The following NCBP1 variants were observed in gnomAD, a reference collection of about 807,000 sequenced individuals.
NCBP1 encodes the protein nuclear cap-binding protein subunit 1.
NCBP1 carries 16 observed loss-of-function variants against 111.7 expected under a neutral mutation model. The observed-to-expected ratio is 0.14, with a 90% CI of 0.10 to 0.22. NCBP1 has a LOEUF of 0.22. NCBP1 is among the 10% of genes least tolerant of loss of function. The pLI is 1.00. For synonymous variants in NCBP1, 304 were observed against 314.3 expected, an observed-to-expected ratio of 0.97 and a Z score of 0.35; for missense variants, 607 against 957.5, an observed-to-expected ratio of 0.63 and a Z score of 4.83.
At chr9:97,636,428 A>G (rs1827026844) in intron 1 of NCBP1, among the ~76,000 whole-genome samples, 1 of 148,858 alleles carries the variant, frequency 6.7e-6, no homozygotes, top group Non-Finnish European at 1.5e-5. Flanking sequence ...GACTCTCTAT[A>G]TATAGAGTGT....
chr9:97,664,435 CT>C lies in NCBP1; in HGVS notation c.1896del (p.Phe632LeufsTer17). The C allele has an allele frequency of 6.3e-7, 1 of 1,596,924 alleles. No individual in the cohort carries two copies. Among genetic ancestry groups the C allele is most frequent in the Non-Finnish European group, 8.6e-7 (1 of 1,164,786 alleles). On this transcript the variant is annotated frameshift_variant, in exon 19 of 23. Coordinates refer to ENST00000375147, the MANE Select transcript of NCBP1 (RefSeq NM_002486.5). LOFTEE classifies it high-confidence loss of function. ...WIFSSELSRD[F>X]TRLFVWEILH... ...TCTTCTCTTCAGAACTATCTCGTGA[CT>C]TTACCAGGTAATATAAATTATTTTA...
intron 22 of NCBP1, 196 bp downstream of exon 22, chr9:97,669,902 T>G: frequency 1.6e-6 from 1 of 636,390 alleles, no homozygotes; most frequent in East Asian, 2.9e-5. Context: ...GATTCCTAAT[T>G]GCCACCCCCC....
rs1827268795 is a variant in NCBP1, at chr9:97,643,962, A to T, written c.381+602A>T. On this transcript the variant is annotated intron_variant, in intron 4 of 22. Coordinates refer to ENST00000375147, the MANE Select transcript of NCBP1 (RefSeq NM_002486.5). The stretch of plus-strand genomic sequence containing the variant: ...GCTCTGCACATGTTGGTTACTGGTT[A>T]AAAAAACCTTAGTTCCTTCCCATTG... Among the ~76,000 whole-genome samples, 10 of 152,136 alleles carry T rather than the reference A, an allele frequency of 6.6e-5. 1 individual carries two copies. The highest frequency in any genetic ancestry group is 6.5e-4 in the Admixed American group (10 of 15,268).
At chr9:97,669,997 A>G (rs1392714076) in intron 22 of NCBP1, 1 of 422,618 alleles carries the variant, frequency 2.4e-6, no homozygotes, top group African/African-American at 2.3e-5. Flanking sequence ...ATCTCAGCTC[A>G]CTGCAACCTC....
chr9:97,655,398 T>C (rs1022239036), intron 12 of NCBP1, among the ~76,000 whole-genome samples: 2 of 152,112 alleles, frequency 1.3e-5, no homozygotes, highest in African/African-American at 4.8e-5. Context: ...CATAAAATTT[T>C]TTTTTTTCTT....
chr9:97,640,581 A>T (rs570336428), intron 1 of NCBP1, among the ~76,000 whole-genome samples: 1 of 152,098 alleles, frequency 6.6e-6, no homozygotes, highest in Non-Finnish European at 1.5e-5. Flanking sequence ...TAACATAAAT[A>T]ATGCCTCCTG....
In NCBP1 at chr9:97,661,737, T is replaced by TG. The variant is rs1015289585; in HGVS notation, c.1601-305_1601-304insG. Among the ~76,000 whole-genome samples, 105 of 151,248 alleles carry TG rather than the reference T, an allele frequency of 6.9e-4. 1 individual carries two copies. Among genetic ancestry groups the TG allele is most frequent in the South Asian group, 2.3e-3 (11 of 4,798 alleles). On this transcript the variant is annotated intron_variant, in intron 16 of 22. Coordinates refer to ENST00000375147, the MANE Select transcript of NCBP1 (RefSeq NM_002486.5). ...CTTAAGACATAAGCTTAAGTGTTTT[T>TG]TTTTTTTTTTTTTGGTATTAATATA...
intron 1 of NCBP1, chr9:97,634,740 T>C (rs924850152): frequency 6.6e-6 from 1 of 152,220 alleles, no homozygotes; most frequent in Non-Finnish European, 1.5e-5. Context: ...AGTAATTCTA[T>C]TGTTAACATT....
intron 1 of NCBP1, among the ~76,000 whole-genome samples, 188 bp downstream of exon 1, chr9:97,634,103 C>G (rs1044887346): frequency 2.6e-5 from 4 of 152,360 alleles, no homozygotes; most frequent in East Asian, 1.9e-4. Context: ...CTCCCCCGCC[C>G]CAGTTCTTTG....
chr9:97,650,344 A>G lies in NCBP1; in HGVS notation c.898-159A>G, dbSNP rs115802342. ...CTCTGGGGTATAAGTGAACATGACA[A>G]TGGAATTTCCTGAAATATAGAGCTT... On this transcript the variant is annotated intron_variant, in intron 8 of 22. Transcript: ENST00000375147. 1.6e-3 allele frequency among the ~76,000 whole-genome samples: 237 copies of G among 152,294 alleles called. 1 individual carries two copies. Among genetic ancestry groups the G allele is most frequent in the African/African-American group, 5.4e-3 (226 of 41,566 alleles).
chr9:97,670,612 C>T (rs925247825), intron 22 of NCBP1, among the ~76,000 whole-genome samples: 2 of 152,232 alleles, frequency 1.3e-5, no homozygotes, highest in African/African-American at 4.8e-5. Flanking sequence ...AAAGCTTTAA[C>T]AGTCTCTAGT....
chr9:97,641,461 T>A, intron 2 of NCBP1, 101 bp from the exon 3 acceptor site: 1 of 876,546 alleles, frequency 1.1e-6, no homozygotes, highest in East Asian at 3.8e-5. Context: ...TTTAAAATGA[T>A]AGATTTTAAA....
intron 19 of NCBP1, 148 bp downstream of exon 19, chr9:97,664,591 TC>T: frequency 1.8e-6 from 1 of 549,256 alleles, no homozygotes; most frequent in Non-Finnish European, 3.3e-6. Flanking sequence ...TGGCAAAAAT[TC>T]CTAGACAGTG....
rs915004085 is a variant in NCBP1, at chr9:97,672,481, C to T, written c.*1282C>T. 2.0e-5 allele frequency: 3 copies of T among 152,116 alleles called. No homozygotes were observed. Among genetic ancestry groups the T allele is most frequent in the Admixed American group, 1.3e-4 (2 of 15,280 alleles). 9.4% of individuals were successfully genotyped at this position (152,116 alleles called of 1,614,324 possible). A position where few individuals can be genotyped will look rare whatever the true frequency, so the allele number is the denominator to read the frequency against. On this transcript the variant is annotated 3_prime_UTR_variant, in exon 23 of 23. Transcript: ENST00000375147. Reference sequence around the variant, plus strand: ...CTATTTAAGACAAAATACAAAATATCCAGAAAAATCCAGGTTGCGTGGCTG... The same window carrying T: ...CTATTTAAGACAAAATACAAAATATTCAGAAAAATCCAGGTTGCGTGGCTG...
rs1325377854 is a variant in NCBP1 at position 97,673,178 on chromosome 9, CT to C, written c.*1980del. On this transcript the variant is annotated 3_prime_UTR_variant, in exon 23 of 23. Transcript: ENST00000375147. ...ATAACATACAAAATGAGTTTATCAACTGTTTGTTATTGGTAAGTCAGCAGTG... is the reference window on the plus strand; with the variant it reads ...ATAACATACAAAATGAGTTTATCAACGTTTGTTATTGGTAAGTCAGCAGTG... The C allele has an allele frequency of 1.3e-5, 2 of 151,984 alleles. No homozygotes were observed. Among genetic ancestry groups the C allele is most frequent in the Admixed American group, 6.6e-5 (1 of 15,256 alleles). The allele number at this position is 151,984 out of a possible 1,614,324, so 9.4% of individuals were successfully genotyped here.
intron 21 of NCBP1, 29 bp downstream of exon 21, chr9:97,669,003 A>G: frequency 1.3e-6 from 2 of 1,568,264 alleles, no homozygotes; most frequent in Non-Finnish European, 8.7e-7. Flanking sequence ...TTTATACATA[A>G]AAGGAAACAA....
chr9:97,662,512 T>C (rs1031327491), intron 17 of NCBP1, among the ~76,000 whole-genome samples: 1 of 152,192 alleles, frequency 6.6e-6, no homozygotes, highest in African/African-American at 2.4e-5. Context: ...AAGGTTGGCA[T>C]CTGAAGACAG....
intron 20 of NCBP1, 86 bp downstream of exon 20, chr9:97,666,963 T>A: frequency 1.2e-5 from 12 of 1,023,714 alleles, no homozygotes; most frequent in Non-Finnish European, 1.6e-5. Context: ...CTTGATGATA[T>A]TTCATTTTTT....
chr9:97,665,216 A>G (rs1321451974), intron 19 of NCBP1, among the ~76,000 whole-genome samples: 1 of 152,286 alleles, frequency 6.6e-6, no homozygotes, highest in East Asian at 1.9e-4. Flanking sequence ...AGGTTGTCAT[A>G]CCGGCCAGGT....
Sources: allele counts gnomAD v4.1 joint callset (sites outside exome capture counted in the v4.1 genomes callset), GRCh38; gene constraint gnomAD v4.1.1; transcripts MANE v1.5; gene names NCBI Gene and HGNC (gene_info 2026-07-23, HGNC 2026-07-21).